NR1H4: variants seen among roughly 807,000 people sequenced by gnomAD.
NR1H4 encodes the protein bile acid receptor.
In NR1H4, 23 loss-of-function variants were observed where a neutral mutation model predicts 58.5. That is an observed-to-expected ratio of 0.39 (90% CI 0.28 to 0.56). The LOEUF (loss-of-function observed/expected upper bound fraction) is 0.56. Among genes scored for constraint, NR1H4 ranks in the 20% least tolerant of loss-of-function variants. The pLI is 0.58. For missense variants in NR1H4, 487 were observed against 576.9 expected (o/e 0.84, Z 1.60); for synonymous variants, 214 against 198.0 (o/e 1.08, Z -0.68).
intron 9 of NR1H4, among the ~76,000 whole-genome samples, chr12:100,555,359 A>G (rs556281582): frequency 6.6e-6 from 1 of 152,350 alleles, no homozygotes; most frequent in South Asian, 2.1e-4. Context: ...CCTTACCAAG[A>G]AAATAGAGAA....
chr12:100,508,054 G>T (rs980813006), intron 3 of NR1H4, among the ~76,000 whole-genome samples: 3 of 151,828 alleles, frequency 2.0e-5, no homozygotes, highest in Non-Finnish European at 4.4e-5. Context: ...CCCAGGTAGG[G>T]TAAGTAATGG....
At chr12:100,545,011 A>G (rs1340188251) in intron 9 of NR1H4, among the ~76,000 whole-genome samples, 2 of 152,242 alleles carry the variant, frequency 1.3e-5, no homozygotes, top group East Asian at 3.9e-4. Context: ...GAGGGGTGCA[A>G]TGTCTGCCAT....
intron 3 of NR1H4, among the ~76,000 whole-genome samples, chr12:100,500,914 G>A (rs1432791195): frequency 2.0e-5 from 3 of 152,080 alleles, no homozygotes; most frequent in Admixed American, 2.0e-4. Context: ...AGTGTGAAAA[G>A]AGACTAATAA....
At chr12:100,504,291 A>G (rs1953906563) in intron 3 of NR1H4, among the ~76,000 whole-genome samples, 1 of 152,224 alleles carries the variant, frequency 6.6e-6, no homozygotes, top group South Asian at 2.1e-4. Context: ...CCAGCAAGAA[A>G]AAACTCGAGT....
Position 100,504,259 on chromosome 12 carries a change from CAG to C in NR1H4, c.80-6517_80-6516del, listed in dbSNP as rs1326980897. On this transcript the variant is annotated intron_variant, in intron 3 of 10. Transcript: ENST00000392986. ...AATCATATTTTAATATTTTTTAAAA[CAG>C]AAATTCATCTTTTAAATTTCCAGCA... 3.3e-5 allele frequency among the ~76,000 whole-genome samples: 5 copies of C among 152,152 alleles called. No homozygotes were observed. The East Asian group carries it at 9.7e-4, about 29-fold the overall frequency.
chr12:100,544,119 G>A (rs1016645364), intron 9 of NR1H4, among the ~76,000 whole-genome samples: 5 of 151,946 alleles, frequency 3.3e-5, no homozygotes, highest in African/African-American at 2.4e-5. Flanking sequence ...AGGCGTGGTG[G>A]CGGGTGCCTG....
intron 4 of NR1H4, among the ~76,000 whole-genome samples, chr12:100,531,420 A>G (rs1312912016): frequency 1.3e-5 from 2 of 152,138 alleles, no homozygotes; most frequent in Non-Finnish European, 2.9e-5. Flanking sequence ...GTGCCACTGC[A>G]CTCCAGCCTG....
At chr12:100,553,125 A>G (rs1374619880) in intron 9 of NR1H4, among the ~76,000 whole-genome samples, 3 of 152,044 alleles carry the variant, frequency 2.0e-5, no homozygotes, top group Non-Finnish European at 4.4e-5. Flanking sequence ...CAGCCTCCTG[A>G]GTAGCTGGGA....
intron 6 of NR1H4, 129 bp from the exon 7 acceptor site, chr12:100,536,383 G>T (rs1486174052): frequency 4.6e-6 from 3 of 650,356 alleles, no homozygotes; most frequent in South Asian, 3.6e-5. Flanking sequence ...AGAACTCATA[G>T]TTCCTGCTGT....
chr12:100,487,560 T>A (rs1054602700), intron 1 of NR1H4, among the ~76,000 whole-genome samples: 1 of 151,546 alleles, frequency 6.6e-6, no homozygotes, highest in Non-Finnish European at 1.5e-5. Flanking sequence ...CAGATCTTTT[T>A]CTTTTCTTTA....
chr12:100,562,251 CG>C (rs1565788987), intron 10 of NR1H4, among the ~76,000 whole-genome samples: 1 of 152,020 alleles, frequency 6.6e-6, no homozygotes, highest in Non-Finnish European at 1.5e-5. Flanking sequence ...TGCTAAGCAC[CG>C]GGGATGCAAC....
intron 4 of NR1H4, among the ~76,000 whole-genome samples, chr12:100,530,044 G>C (rs560252308): frequency 3.3e-4 from 50 of 152,244 alleles, no homozygotes; most frequent in African/African-American, 1.2e-3. Context: ...ATATTATGCT[G>C]TAAATTTACT....
Position 100,519,511 on chromosome 12 carries a change from C to T in NR1H4, c.445+8368C>T, listed in dbSNP as rs368288148. ...GGGTACTGAGCACACTCTTCCATCACGTCTGGCCCTGGCTGTCTCCTTCAT... is the reference window on the plus strand; with the variant it reads ...GGGTACTGAGCACACTCTTCCATCATGTCTGGCCCTGGCTGTCTCCTTCAT... On this transcript the variant is annotated intron_variant, in intron 4 of 10. Transcript: ENST00000392986. 2.6e-5 allele frequency among the ~76,000 whole-genome samples: 4 copies of T among 152,254 alleles called. No homozygotes were observed. The East Asian group carries it at 5.8e-4, about 22-fold the overall frequency.
intron 3 of NR1H4, among the ~76,000 whole-genome samples, chr12:100,502,976 C>T (rs1953869285): frequency 6.6e-6 from 1 of 152,160 alleles, no homozygotes; most frequent in South Asian, 2.1e-4. Context: ...ATGGGAGCTA[C>T]AATTCAAGAT....
chr12:100,515,741 C>T (rs144811747), intron 4 of NR1H4, among the ~76,000 whole-genome samples: 12 of 152,192 alleles, frequency 7.9e-5, no homozygotes, highest in African/African-American at 2.2e-4. Flanking sequence ...ATTTACATAT[C>T]GTGTAATGGC....
At chr12:100,553,144 G>A (rs577956044) in intron 9 of NR1H4, among the ~76,000 whole-genome samples, 33 of 152,158 alleles carry the variant, frequency 2.2e-4, no homozygotes, top group Admixed American at 1.4e-3. Flanking sequence ...GACTACAGGC[G>A]CGTGCCACCA....
chr12:100,559,386 G>C (rs774366548), intron 9 of NR1H4, among the ~76,000 whole-genome samples: 1 of 152,224 alleles, frequency 6.6e-6, no homozygotes, highest in African/African-American at 2.4e-5. Flanking sequence ...TGGAGGGAGA[G>C]ACGCGAGCGG....
At position 100,528,804 on chromosome 12, in the gene NR1H4, G is replaced by A. The variant is rs555659169; in HGVS notation, c.446-3654G>A. ...AATACCAGAGTCAAAAAACCCTGCA[G>A]AATGGTTCTACGCACTGTTCCTTTG... On this transcript the variant is annotated intron_variant, in intron 4 of 10. Transcript: ENST00000392986. Among the ~76,000 whole-genome samples the A allele has an allele frequency of 2.0e-5, 3 of 152,302 alleles. No homozygotes were observed. In the South Asian group the frequency reaches 6.2e-4, roughly 32 times the overall value.
At chr12:100,494,633 G>A (rs866057565) in intron 3 of NR1H4, among the ~76,000 whole-genome samples, 1 of 152,246 alleles carries the variant, frequency 6.6e-6, no homozygotes, top group African/African-American at 2.4e-5. Flanking sequence ...TCCTGTAGAT[G>A]CAGTCAAGGG....
Sources: gnomAD v4.1 joint callset for allele counts (sites outside exome capture counted in the v4.1 genomes callset) on GRCh38, gnomAD v4.1.1 for gene constraint, MANE v1.5 for transcripts, NCBI Gene and HGNC (gene_info 2026-07-23, HGNC 2026-07-21) for gene names.